The following TRPM3 variants were observed in gnomAD, a reference collection of about 807,000 sequenced individuals.
The protein encoded by TRPM3 is long transient receptor potential channel 3.
A neutral mutation model predicts 181.2 loss-of-function variants in TRPM3; 77 were observed. That is an observed-to-expected ratio of 0.42 (90% CI 0.35 to 0.51). TRPM3 has a LOEUF of 0.51. TRPM3 is among the 20% of genes least tolerant of loss of function. The probability of loss-of-function intolerance (pLI) is 0.01; values close to 1 mark genes in which losing one functional copy is unlikely to be tolerated. For synonymous variants in TRPM3, 745 were observed against 796.4 expected (o/e 0.94, Z 1.09); for missense variants, 1,759 against 2,196.7 (o/e 0.80, Z 3.98).
intron 6 of TRPM3, among the ~76,000 whole-genome samples, chr9:70,789,683 GC>G (rs2084872594): frequency 6.6e-6 from 1 of 152,196 alleles, no homozygotes; most frequent in African/African-American, 2.4e-5. Flanking sequence ...ACACTCTCCA[GC>G]TTTTGCAATT....
intron 1 of TRPM3, among the ~76,000 whole-genome samples, chr9:71,342,671 T>C (rs1304317198): frequency 6.6e-6 from 1 of 152,060 alleles, no homozygotes; most frequent in Non-Finnish European, 1.5e-5. Context: ...TTTACAAAAG[T>C]AAATTAGGCT....
chr9:71,438,909 G>C (rs1174789378), intron 1 of TRPM3, among the ~76,000 whole-genome samples: 1 of 152,110 alleles, frequency 6.6e-6, no homozygotes, highest in Non-Finnish European at 1.5e-5. Context: ...ATAAAAGAAA[G>C]TTTTAAAAAC....
intron 1 of TRPM3, among the ~76,000 whole-genome samples, chr9:71,182,323 C>G (rs1268764374): frequency 6.6e-6 from 1 of 152,070 alleles, no homozygotes; most frequent in Non-Finnish European, 1.5e-5. Context: ...ACACAACTCC[C>G]TCTCCATGGA....
At chr9:70,617,599 G>A (rs1418577897) in intron 17 of TRPM3, among the ~76,000 whole-genome samples, 1 of 152,170 alleles carries the variant, frequency 6.6e-6, no homozygotes, top group Admixed American at 6.5e-5. Context: ...ACACAGGGAA[G>A]GGTAATGAGG....
chr9:70,868,484 G>A (rs1425189973), intron 1 of TRPM3, among the ~76,000 whole-genome samples: 1 of 152,052 alleles, frequency 6.6e-6, no homozygotes, highest in Non-Finnish European at 1.5e-5. Flanking sequence ...AGGATTCAAT[G>A]TTTTTCACAA....
chr9:71,102,831 T>C (rs1036332960), intron 1 of TRPM3, among the ~76,000 whole-genome samples: 14 of 152,328 alleles, frequency 9.2e-5, no homozygotes, highest in South Asian at 4.1e-4. Context: ...GTAAAGATTA[T>C]GCTATTTTCA....
rs1433842883 is a variant in TRPM3 at position 71,079,523 on chromosome 9, T to C, written c.177+41655A>G. ...TTGTTTATTTATTTGGTAAAGTACC[T>C]GGGTGTGAAGCAGTGATATCTAAAG... On this transcript the variant is annotated intron_variant, in intron 1 of 25. Transcript: ENST00000677713. 2.0e-5 allele frequency among the ~76,000 whole-genome samples: 3 copies of C among 152,348 alleles called. No individual in the cohort carries two copies. In the East Asian group the frequency reaches 5.8e-4, roughly 29 times the overall value.
chr9:70,985,011 T>C (rs1179348508), intron 1 of TRPM3, among the ~76,000 whole-genome samples: 1 of 152,228 alleles, frequency 6.6e-6, no homozygotes, highest in African/African-American at 2.4e-5. Context: ...AACATGCAGA[T>C]GTGAACAATA....
chr9:70,992,421 G>A (rs753553907), intron 1 of TRPM3, among the ~76,000 whole-genome samples: 6 of 152,114 alleles, frequency 3.9e-5, no homozygotes, highest in East Asian at 1.9e-4. Flanking sequence ...CCCCCAGCCC[G>A]TTCATTCAGC....
rs529355307 is a variant in TRPM3 at position 70,866,237 on chromosome 9, G to T, written c.178-1726C>A. On this transcript the variant is annotated intron_variant, in intron 1 of 25. Coordinates refer to ENST00000677713, the MANE Select transcript of TRPM3 (RefSeq NM_001366145.2). Reference sequence around the variant, plus strand: ...AAACCAACTTTTCCTACACTTTAGAGAGCAAAAAAGGAGAATTTACTTTCC... The same window carrying T: ...AAACCAACTTTTCCTACACTTTAGATAGCAAAAAAGGAGAATTTACTTTCC... Among the ~76,000 whole-genome samples, 292 of 152,038 alleles carry T rather than the reference G, an allele frequency of 1.9e-3. 1 individual carries two copies. Among genetic ancestry groups the T allele is most frequent in the Non-Finnish European group, 1.6e-3 (111 of 67,912 alleles).
upstream of TRPM3, among the ~76,000 whole-genome samples, chr9:71,125,236 T>A (rs1455148305): frequency 6.6e-6 from 1 of 152,216 alleles, no homozygotes; most frequent in Admixed American, 6.5e-5. Flanking sequence ...AGTATACACG[T>A]GCAGGATGTG....
At chr9:71,260,953 A>T (rs2083010476) in intron 1 of TRPM3, among the ~76,000 whole-genome samples, 1 of 151,868 alleles carries the variant, frequency 6.6e-6, no homozygotes, top group Non-Finnish European at 1.5e-5. Flanking sequence ...CTTCATTTCA[A>T]CCTTGGTGAA....
At chr9:70,842,392 T>G (rs947690418) in intron 5 of TRPM3, among the ~76,000 whole-genome samples, 7 of 149,532 alleles carry the variant, frequency 4.7e-5, no homozygotes, top group Non-Finnish European at 7.4e-5. Context: ...TTGCATTGCA[T>G]TTTAAAAAAT....
chr9:71,282,360 AAAGAAAGAAT>A lies in TRPM3; in HGVS notation c.183+164283_183+164292del, dbSNP rs1436035818. Reference sequence around the variant, plus strand: ...AGAAAGAAAGAAAAGAAAGAAAGAAAAAGAAAGAATGAAAGAAAGAAAGAAAGGAAAGAAA... The same window carrying A: ...AGAAAGAAAGAAAAGAAAGAAAGAAAGAAAGAAAGAAAGAAAGGAAAGAAA... On this transcript the variant is annotated intron_variant, in intron 1 of 24. Coordinates refer to the TRPM3 transcript ENST00000357533. Among the ~76,000 whole-genome samples, 16 of 119,898 alleles carry A rather than the reference AAAGAAAGAAT, an allele frequency of 1.3e-4. 3 individuals carry two copies. Among genetic ancestry groups the A allele is most frequent in the Non-Finnish European group, 1.9e-4 (11 of 57,892 alleles). The allele number at this position is 119,898 out of a possible 152,430, so 78.7% of individuals were successfully genotyped here. A position where few individuals can be genotyped will look rare whatever the true frequency, so the allele number is the denominator to read the frequency against.
chr9:71,006,426 C>T (rs1469630586), intron 1 of TRPM3, among the ~76,000 whole-genome samples: 1 of 151,432 alleles, frequency 6.6e-6, no homozygotes, highest in East Asian at 1.9e-4. Context: ...AAACAAGACC[C>T]AACTATATGT....
At chr9:71,128,682 A>G (rs138291752) in intron 1 of TRPM3, among the ~76,000 whole-genome samples, 1 of 152,366 alleles carries the variant, frequency 6.6e-6, no homozygotes, top group East Asian at 1.9e-4. Flanking sequence ...AAATTTGACC[A>G]ACTTGATAAA....
chr9:71,330,420 C>T (rs2090027316), intron 1 of TRPM3, among the ~76,000 whole-genome samples: 1 of 151,786 alleles, frequency 6.6e-6, no homozygotes, highest in Non-Finnish European at 1.5e-5. Context: ...GAATCCTATA[C>T]TAATTATTTA....
chr9:71,119,462 G>C (rs985354822), intron 1 of TRPM3, among the ~76,000 whole-genome samples: 1 of 151,456 alleles, frequency 6.6e-6, no homozygotes, highest in African/African-American at 2.4e-5. Context: ...AAAAGACAGA[G>C]CTTCTTCTAA....
chr9:71,281,881 G>A (rs2084736832), intron 1 of TRPM3, among the ~76,000 whole-genome samples: 1 of 151,998 alleles, frequency 6.6e-6, no homozygotes, highest in Non-Finnish European at 1.5e-5. Flanking sequence ...GACCAACATG[G>A]AGAAACCCCG....
Sources: gnomAD v4.1 joint callset for allele counts (sites outside exome capture counted in the v4.1 genomes callset) on GRCh38, gnomAD v4.1.1 for gene constraint, MANE v1.5 for transcripts, NCBI Gene and HGNC (gene_info 2026-07-23, HGNC 2026-07-21) for gene names.